AOPEP: variants seen among roughly 807,000 people sequenced by gnomAD.
AOPEP encodes the protein aminopeptidase O (putative).
A neutral mutation model predicts 98.1 loss-of-function variants in AOPEP; 77 were observed. That is an observed-to-expected ratio of 0.78 (90% confidence interval 0.65 to 0.95). The LOEUF (loss-of-function observed/expected upper bound fraction) is 0.95. Ranked by LOEUF, AOPEP falls within the 40% of genes least tolerant of loss-of-function variation. AOPEP has a pLI of 0.00. For missense variants in AOPEP, 1,024 were observed against 1,024.7 expected (o/e 1.00, Z 0.01); for synonymous variants, 346 against 365.3 (o/e 0.95, Z 0.60).
intron 5 of AOPEP, among the ~76,000 whole-genome samples, chr9:94,838,909 CTTTTTTTTTT>C (rs35849023): frequency 3.0e-5 from 3 of 99,768 alleles, no homozygotes; most frequent in South Asian, 3.4e-4. Context: ...AAATGCTATT[CTTTTTTTTTT>C]TTTTTTTTTT....
intron 13 of AOPEP, among the ~76,000 whole-genome samples, chr9:95,028,844 G>C (rs577032985): frequency 6.6e-6 from 1 of 152,290 alleles, no homozygotes; most frequent in South Asian, 2.1e-4. Flanking sequence ...ATTATAGATA[G>C]AGCATTGTAT....
intron 14 of AOPEP, among the ~76,000 whole-genome samples, chr9:95,071,102 G>A (rs1388092814): frequency 1.3e-5 from 2 of 152,174 alleles, no homozygotes; most frequent in Non-Finnish European, 2.9e-5. Context: ...AAAACCCAAA[G>A]TAATATACAG....
At chr9:94,896,670 A>G (rs964642192) in intron 5 of AOPEP, among the ~76,000 whole-genome samples, 33 of 152,344 alleles carry the variant, frequency 2.2e-4, no homozygotes, top group Admixed American at 5.9e-4. Context: ...AAATTGAAGG[A>G]CATTCTGTAA....
At chr9:94,837,571 G>A (rs986049265) in intron 5 of AOPEP, among the ~76,000 whole-genome samples, 11 of 152,238 alleles carry the variant, frequency 7.2e-5, no homozygotes, top group East Asian at 1.9e-4. Context: ...ATGGTCAAGC[G>A]GGTTTCATAC....
chr9:95,111,225 G>A, the AOPEP span: 60 of 1,536,706 alleles, frequency 3.9e-5, no homozygotes, highest in Admixed American at 5.1e-4. Flanking sequence ...AAGGGTCTTC[G>A]TTTTGCAGGA....
At chr9:94,991,106 T>G (rs1327323406) in intron 11 of AOPEP, among the ~76,000 whole-genome samples, 1 of 152,214 alleles carries the variant, frequency 6.6e-6, no homozygotes, top group Non-Finnish European at 1.5e-5. Context: ...CCAGGGCTTT[T>G]TAGGCTGCTG....
chr9:94,777,431 CAA>C (rs949209063), intron 3 of AOPEP, among the ~76,000 whole-genome samples: 19 of 91,980 alleles, frequency 2.1e-4, no homozygotes, highest in Admixed American at 4.9e-4. Flanking sequence ...GACTCCATCT[CAA>C]AAAAAAAAAA....
chr9:94,768,797 C>A (rs12336437), intron 2 of AOPEP, among the ~76,000 whole-genome samples: 1 of 152,116 alleles, frequency 6.6e-6, no homozygotes, highest in Non-Finnish European at 1.5e-5. Context: ...GTGAGATGAA[C>A]CCTGGTGAGA....
the AOPEP span, among the ~76,000 whole-genome samples, chr9:95,149,436 ATAAAAGT>A: frequency 6.6e-6 from 1 of 152,142 alleles, no homozygotes; most frequent in Non-Finnish European, 1.5e-5. Flanking sequence ...CAAACCTAAA[ATAAAAGT>A]TAAAAATAAA....
intron 5 of AOPEP, among the ~76,000 whole-genome samples, chr9:94,814,846 C>T (rs1851367057): frequency 6.6e-6 from 1 of 152,180 alleles, no homozygotes; most frequent in African/African-American, 2.4e-5. Flanking sequence ...GCTCTCAAGT[C>T]TTGAACTAGA....
the AOPEP span, among the ~76,000 whole-genome samples, chr9:95,131,535 C>T: frequency 2.6e-5 from 4 of 152,196 alleles, no homozygotes; most frequent in Admixed American, 2.6e-4. Flanking sequence ...CTGGTGCCCC[C>T]CTGAGGCTAA....
At chr9:95,066,758 A>G (rs1305359684) in intron 14 of AOPEP, among the ~76,000 whole-genome samples, 2 of 152,174 alleles carry the variant, frequency 1.3e-5, no homozygotes, top group African/African-American at 4.8e-5. Context: ...TCTGGGGTCT[A>G]AATAGCAGTG....
At chr9:94,823,106 C>T (rs997366652) in intron 5 of AOPEP, among the ~76,000 whole-genome samples, 4 of 152,132 alleles carry the variant, frequency 2.6e-5, no homozygotes, top group Non-Finnish European at 4.4e-5. Context: ...AAGTGATTCT[C>T]CTGCCTTAGC....
chr9:94,887,799 A>C (rs2048404856), intron 5 of AOPEP, among the ~76,000 whole-genome samples: 1 of 151,890 alleles, frequency 6.6e-6, no homozygotes, highest in South Asian at 2.1e-4. Context: ...GAAGTAATGA[A>C]AGCAAATTAG....
chr9:94,744,003 T>C (rs1032567960), intron 1 of AOPEP, among the ~76,000 whole-genome samples: 3 of 152,122 alleles, frequency 2.0e-5, no homozygotes, highest in Non-Finnish European at 4.4e-5. Flanking sequence ...CTTCTTCCTC[T>C]AGTCCACACT....
At chr9:95,079,461 G>A (rs952957558) in intron 14 of AOPEP, among the ~76,000 whole-genome samples, 1 of 152,226 alleles carries the variant, frequency 6.6e-6, no homozygotes, top group African/African-American at 2.4e-5. Flanking sequence ...TCTATGTATG[G>A]CTGATGTTGG....
intron 5 of AOPEP, chr9:94,921,389 G>A (rs1008135134): frequency 3.3e-5 from 5 of 152,238 alleles, no homozygotes; most frequent in African/African-American, 1.2e-4. Context: ...TTTGTGGGTG[G>A]ACATGGGTAG....
intron 5 of AOPEP, among the ~76,000 whole-genome samples, chr9:94,834,045 C>G (rs1240295081): frequency 6.6e-6 from 1 of 152,132 alleles, no homozygotes; most frequent in East Asian, 1.9e-4. Flanking sequence ...GCCCCGAGAT[C>G]TGATTACCAG....
At chr9:95,110,386 T>C in the AOPEP span, 1 of 1,023,378 alleles carries the variant, frequency 9.8e-7, no homozygotes, top group Non-Finnish European at 1.2e-6. Flanking sequence ...ATGTGCCCCG[T>C]ACATCTTATT....
Sources: gnomAD v4.1 joint callset for allele counts (sites outside exome capture counted in the v4.1 genomes callset) on GRCh38, gnomAD v4.1.1 for gene constraint, MANE v1.5 for transcripts, NCBI Gene and HGNC (gene_info 2026-07-23, HGNC 2026-07-21) for gene names.